The following PLEKHA5 variants were observed in gnomAD, a reference collection of about 807,000 sequenced individuals.
The protein encoded by PLEKHA5 is pleckstrin homology domain containing A5.
A neutral mutation model predicts 181.9 loss-of-function variants in PLEKHA5; 55 were observed. The observed-to-expected ratio is 0.30, with a 90% CI of 0.24 to 0.38. PLEKHA5 has a LOEUF of 0.38. Among genes scored for constraint, PLEKHA5 ranks in the 10% least tolerant of loss-of-function variants. The pLI is 1.00. For missense variants in PLEKHA5, 1,432 were observed against 1,549.5 expected (o/e 0.92, Z 1.27); for synonymous variants, 535 against 529.4 (o/e 1.01, Z -0.15).
In PLEKHA5 at chr12:19,345,860, C is replaced by G; in HGVS notation, c.2681C>G (p.Pro894Arg). The change falls in exon 23 of 32, where the codon CCT becomes CGT. Residue 894 changes from proline to arginine, a missense_variant. Pro to Arg is a moderately radical substitution (Grantham distance 103, BLOSUM62 -2). Around this residue, in one of 2 missense-constraint regions of PLEKHA5, gnomAD observed 1,143 missense variants for 1,168.4 expected, o/e 0.98. Transcript: ENST00000429027. The stretch of plus-strand genomic sequence containing the variant: ...TTCCCAGGTATGATAGGATCAAAGC[C>G]TTTCTCAACAGTTAAGTACAAAAAT... ...TTEIGMIGSK[P>R]FSTVKYKNEE... 6.7e-7 allele frequency: 1 copy of G among 1,481,686 alleles called. No individual in the cohort carries two copies. Among genetic ancestry groups the G allele is most frequent in the Middle Eastern group, 1.7e-4 (1 of 5,752 alleles). 91.8% of individuals were successfully genotyped at this position (1,481,686 alleles called of 1,614,324 possible).
At position 19,320,544 on chromosome 12, in the gene PLEKHA5, A is replaced by G. The variant is rs766432380; in HGVS notation, c.2155-18A>G. The G allele has an allele frequency of 1.0e-5, 13 of 1,298,066 alleles. No homozygotes were observed. Among genetic ancestry groups the G allele is most frequent in the Non-Finnish European group, 1.3e-5 (12 of 909,046 alleles). The allele number at this position is 1,298,066 out of a possible 1,614,324, so 80.4% of individuals were successfully genotyped here. ...TAAATAAGATTTTTTAAGTTGCTAT[A>G]TGATTTTTTTCTTATAGCTGTCACA... On this transcript the variant is annotated intron_variant, in intron 17 of 31. Coordinates refer to ENST00000429027, the MANE Select transcript of PLEKHA5 (RefSeq NM_001256470.2).
chr12:19,282,602 T>A (rs2076415704), intron 11 of PLEKHA5, among the ~76,000 whole-genome samples: 1 of 152,188 alleles, frequency 6.6e-6, no homozygotes, highest in Non-Finnish European at 1.5e-5. Context: ...TCATATTTCA[T>A]CCATACATAG....
intron 3 of PLEKHA5, chr12:19,176,586 C>T (rs2047307078): frequency 6.6e-6 from 1 of 152,138 alleles, no homozygotes; most frequent in South Asian, 2.1e-4. Flanking sequence ...GCCACCATGC[C>T]TGCCTTTCTC....
At chr12:19,299,006 TGAAGAA>T (rs748789350) in intron 15 of PLEKHA5, among the ~76,000 whole-genome samples, 26 of 152,210 alleles carry the variant, frequency 1.7e-4, no homozygotes, top group Non-Finnish European at 2.9e-5. Flanking sequence ...GGCTGACTGA[TGAAGAA>T]GAAGAAAAAC....
At chr12:19,259,095 G>A (rs76472020) in intron 6 of PLEKHA5, among the ~76,000 whole-genome samples, 13,827 of 151,560 alleles carry the variant, frequency 0.091, 672 homozygotes, top group South Asian at 0.14. Context: ...AGTGGTTCAC[G>A]CCTGTAATCC....
At chr12:19,170,428 CTT>C (rs58933149) in intron 3 of PLEKHA5, among the ~76,000 whole-genome samples, 376 of 139,856 alleles carry the variant, frequency 2.7e-3, no homozygotes, top group Middle Eastern at 3.7e-3. Flanking sequence ...ATTCAGAAGA[CTT>C]TTTTTTTTTT....
intron 13 of PLEKHA5, among the ~76,000 whole-genome samples, chr12:19,289,717 G>T (rs935217047): frequency 2.6e-5 from 4 of 152,042 alleles, no homozygotes; most frequent in Non-Finnish European, 5.9e-5. Context: ...CCAAAAAAAG[G>T]TTCTCTTCTT....
chr12:19,237,526 C>T (rs1675782402), intron 3 of PLEKHA5, among the ~76,000 whole-genome samples: 1 of 151,822 alleles, frequency 6.6e-6, no homozygotes, highest in African/African-American at 2.4e-5. Flanking sequence ...TATATCGATA[C>T]TAGTCTAAAC....
intron 3 of PLEKHA5, among the ~76,000 whole-genome samples, chr12:19,194,235 A>T (rs148380111): frequency 1.3e-5 from 2 of 152,216 alleles, no homozygotes; most frequent in Non-Finnish European, 2.9e-5. Context: ...ACTTAAGATA[A>T]TGACCTTCAG....
chr12:19,162,293 T>C (rs563848728), intron 3 of PLEKHA5, among the ~76,000 whole-genome samples: 2 of 152,280 alleles, frequency 1.3e-5, no homozygotes, highest in South Asian at 2.1e-4. Flanking sequence ...CAATGAAATA[T>C]TCATGTAAAC....
chr12:19,196,921 A>G (rs899367033), intron 3 of PLEKHA5, among the ~76,000 whole-genome samples: 4 of 151,422 alleles, frequency 2.6e-5, no homozygotes, highest in African/African-American at 7.3e-5. Flanking sequence ...CCATGTTGAC[A>G]TAATTAAAAT....
intron 15 of PLEKHA5, among the ~76,000 whole-genome samples, chr12:19,312,496 C>A (rs1481385952): frequency 1.9e-4 from 29 of 152,224 alleles, no homozygotes; most frequent in Non-Finnish European, 1.5e-5. Context: ...TCCATCAGCA[C>A]CTGCTGCTTC....
chr12:19,236,283 C>T (rs2061395861), intron 3 of PLEKHA5, among the ~76,000 whole-genome samples: 1 of 152,106 alleles, frequency 6.6e-6, no homozygotes, highest in Non-Finnish European at 1.5e-5. Flanking sequence ...GGGTTTGAAT[C>T]CTATTTAATC....
At chr12:19,300,095 C>T (rs1220673598) in intron 15 of PLEKHA5, among the ~76,000 whole-genome samples, 1 of 152,218 alleles carries the variant, frequency 6.6e-6, no homozygotes, top group Non-Finnish European at 1.5e-5. Context: ...TATACAACAT[C>T]CCACTTGTTT....
At chr12:19,369,629 G>T in intron 30 of PLEKHA5, 64 bp from the exon 31 acceptor site, 1 of 936,640 alleles carries the variant, frequency 1.1e-6, no homozygotes, top group African/African-American at 1.6e-5. Flanking sequence ...ACAGCATCAG[G>T]ATTTACTTCT....
intron 29 of PLEKHA5, among the ~76,000 whole-genome samples, chr12:19,363,360 G>A (rs2095322845): frequency 6.6e-6 from 1 of 151,662 alleles, no homozygotes; most frequent in Admixed American, 6.6e-5. Context: ...AGTAGAGACG[G>A]GGTTTCACCG....
At chr12:19,290,829 G>T in intron 14 of PLEKHA5, 33 bp downstream of exon 14, 1 of 1,499,270 alleles carries the variant, frequency 6.7e-7, no homozygotes, top group East Asian at 2.5e-5. Flanking sequence ...TGTGTCGTCT[G>T]CCATCATCTC....
At chr12:19,211,332 A>G (rs1288418254) in intron 3 of PLEKHA5, among the ~76,000 whole-genome samples, 2 of 152,066 alleles carry the variant, frequency 1.3e-5, no homozygotes, top group Non-Finnish European at 2.9e-5. Context: ...AAGGACTTTG[A>G]GATGAGGTTT....
chr12:19,256,590 A>C (rs2066937360), intron 5 of PLEKHA5, among the ~76,000 whole-genome samples: 2 of 152,240 alleles, frequency 1.3e-5, no homozygotes, highest in Non-Finnish European at 2.9e-5. Context: ...TCAAGAAAAC[A>C]TGCTTTAGGA....
Sources: gnomAD v4.1 joint callset for allele counts (sites outside exome capture counted in the v4.1 genomes callset) on GRCh38, gnomAD v4.1.1 for gene constraint, gnomAD v4.1.1 regional missense constraint, MANE v1.5 for transcripts, NCBI Gene and HGNC (gene_info 2026-07-23, HGNC 2026-07-21) for gene names.